Variants in CETP observed in about 807,000 individuals in gnomAD.
The protein encoded by CETP is BPI fold containing family F.
A neutral mutation model predicts 66.5 loss-of-function variants in CETP; 56 were observed. The observed-to-expected ratio is 0.84, with a 90% CI of 0.68 to 1.05. The LOEUF (loss-of-function observed/expected upper bound fraction) is 1.05. CETP is among the 50% of genes least tolerant of loss of function. CETP has a pLI of 0.00. For missense variants in CETP, 612 were observed against 609.6 expected, an observed-to-expected ratio of 1.00 and a Z score of -0.04; for synonymous variants, 251 against 245.7, an observed-to-expected ratio of 1.02 and a Z score of -0.20.
At chr16:56,980,378 C>T (rs1712001291) in intron 11 of CETP, among the ~76,000 whole-genome samples, 2 of 152,206 alleles carry the variant, frequency 1.3e-5, no homozygotes, top group South Asian at 4.1e-4. Flanking sequence ...TGCCACATTG[C>T]CCAAGCTGGT....
At chr16:56,976,525 G>A (rs1157516016) in intron 10 of CETP, among the ~76,000 whole-genome samples, 1 of 150,908 alleles carries the variant, frequency 6.6e-6, no homozygotes, top group African/African-American at 2.4e-5. Flanking sequence ...AGGCTGGAGT[G>A]CAGTAGCACA....
intron 2 of CETP, 119 bp from the exon 3 acceptor site, chr16:56,969,267 G>A (rs2056090127): frequency 2.3e-6 from 3 of 1,296,110 alleles, no homozygotes; most frequent in Non-Finnish European, 3.3e-6. Context: ...TGTGGATTAG[G>A]AGGACATTTT....
chr16:56,963,361 A>C, intron 2 of CETP, among the ~76,000 whole-genome samples: 1 of 152,180 alleles, frequency 6.6e-6, no homozygotes, highest in South Asian at 2.1e-4. Flanking sequence ...GTCAGGCTTC[A>C]AAGGGTCCTT....
At chr16:56,967,017 G>A (rs2056072082) in intron 2 of CETP, among the ~76,000 whole-genome samples, 1 of 152,056 alleles carries the variant, frequency 6.6e-6, no homozygotes, top group Non-Finnish European at 1.5e-5. Context: ...TGTATTAGGA[G>A]CTTACGCAGC....
Position 56,973,399 on chromosome 16 carries a change from GGACTCCCGCATGCTGTACTTCT to G in CETP, c.821_842del (p.Asp274GlyfsTer13). Reference sequence around the variant, plus strand: ...CCACCTTCTCGCCCACACTGCTGGGGGACTCCCGCATGCTGTACTTCTGGTTCTCTGAGCGAGTCTTCCACTC... The same window carrying G: ...CCACCTTCTCGCCCACACTGCTGGGGGGTTCTCTGAGCGAGTCTTCCACTC... On this transcript the variant is annotated frameshift_variant, in exon 9 of 16. Coordinates refer to ENST00000200676, the MANE Select transcript of CETP (RefSeq NM_000078.3). LOFTEE classifies it high-confidence loss of function. The G allele has an allele frequency of 2.5e-6, 4 of 1,614,184 alleles. No individual in the cohort carries two copies. The highest frequency in any genetic ancestry group is 3.4e-6 in the Non-Finnish European group (4 of 1,180,030).
At chr16:56,983,529 T>C in intron 15 of CETP, 63 bp from the exon 16 acceptor site, 1 of 1,600,146 alleles carries the variant, frequency 6.2e-7, no homozygotes, top group Non-Finnish European at 8.6e-7. Context: ...CCAGCTTGGC[T>C]CCCTCCTGGT....
intron 9 of CETP, 48 bp downstream of exon 9, chr16:56,973,558 ATGTG>A: frequency 6.3e-7 from 1 of 1,592,090 alleles, no homozygotes; most frequent in Non-Finnish European, 8.6e-7. Context: ...GGCATGTGGT[ATGTG>A]TGTGTGTGCA....
chr16:56,969,342 C>T, intron 2 of CETP, 44 bp from the exon 3 acceptor site: 1 of 1,612,470 alleles, frequency 6.2e-7, no homozygotes, highest in Admixed American at 1.7e-5. Flanking sequence ...CTTGGGCTCC[C>T]TGGATGACCC....
Position 56,962,097 on chromosome 16 carries a change from T to C in CETP, c.118T>C (p.Leu40=), listed in dbSNP as rs2056027530. The C allele has an allele frequency of 6.2e-7, 1 of 1,611,454 alleles. No homozygotes were observed. Among genetic ancestry groups the C allele is most frequent in the Non-Finnish European group, 8.5e-7 (1 of 1,177,904 alleles). The change falls in exon 1 of 16, where the codon TTG becomes CTG. Residue 40 remains leucine, a splice_region_variant and synonymous_variant. Coordinates refer to ENST00000200676, the MANE Select transcript of CETP (RefSeq NM_000078.3). The part of the protein sequence containing the change: ...CRITKPALLV[L]NHETAKVIQT... ...CATCACCAAGCCTGCCCTCCTGGTG[T>C]GTAAGTATCAGTGCATCTGTCTGCC...
intron 11 of CETP, among the ~76,000 whole-genome samples, chr16:56,980,862 C>T (rs1156414543): frequency 1.3e-5 from 2 of 152,180 alleles, no homozygotes; most frequent in Non-Finnish European, 2.9e-5. Flanking sequence ...GTGGAGGTTG[C>T]AGTGAGCTGA....
At position 56,963,288 on chromosome 16, in the gene CETP, A is replaced by T. The variant is rs577909767; in HGVS notation, c.233+164A>T. 7.2e-5 allele frequency among the ~76,000 whole-genome samples: 11 copies of T among 152,158 alleles called. No homozygotes were observed. In the South Asian group the frequency reaches 1.7e-3, roughly 23 times the overall value. ...GACACCTTCCCTACCCCCACCCTCC[A>T]TCCCCTGGTGCCCTGGGGGGATTTA... On this transcript the variant is annotated intron_variant, in intron 2 of 15. Transcript: ENST00000200676.
chr16:56,967,799 G>T (rs1267095228), intron 2 of CETP, among the ~76,000 whole-genome samples: 2 of 151,812 alleles, frequency 1.3e-5, no homozygotes, highest in Non-Finnish European at 2.9e-5. Flanking sequence ...CCCCCAATCT[G>T]CACAAAAAAG....
chr16:56,980,891 C>T, intron 11 of CETP, among the ~76,000 whole-genome samples: 1 of 152,154 alleles, frequency 6.6e-6, no homozygotes, highest in African/African-American at 2.4e-5. Context: ...CACTGCCCTC[C>T]AGCCTGGGCA....
In CETP at chr16:56,981,140, T is replaced by G. The variant is rs1270342188; in HGVS notation, c.1147-18T>G. 1.3e-6 allele frequency: 2 copies of G among 1,599,848 alleles called. No individual in the cohort carries two copies. Among genetic ancestry groups the G allele is most frequent in the Non-Finnish European group, 1.7e-6 (2 of 1,167,418 alleles). On this transcript the variant is annotated intron_variant, in intron 11 of 15. Transcript: ENST00000200676. ...GGGAAGAGCCCTGGCTCACAGCAAA[T>G]TTGGTTTCTCTCCCCAGGATATCGT...
At chr16:56,962,160 G>A in intron 1 of CETP, 63 bp downstream of exon 1, 3 of 1,409,632 alleles carry the variant, frequency 2.1e-6, no homozygotes, top group East Asian at 2.3e-5. Flanking sequence ...ACTATGCCAG[G>A]AGCCTCCCTG....
chr16:56,966,934 C>T (rs1488247122), intron 2 of CETP, among the ~76,000 whole-genome samples: 1 of 151,800 alleles, frequency 6.6e-6, no homozygotes, highest in Non-Finnish European at 1.5e-5. Context: ...TTTTCACTTA[C>T]TCTCTAATGT....
intron 13 of CETP, 124 bp downstream of exon 13, chr16:56,981,804 C>T: frequency 1.1e-6 from 1 of 931,974 alleles, no homozygotes; most frequent in East Asian, 2.4e-5. Context: ...CCAGGTGGTC[C>T]ATGCTGTGTC....
At chr16:56,982,947 C>T (rs565383125) in intron 14 of CETP, among the ~76,000 whole-genome samples, 83 of 152,298 alleles carry the variant, frequency 5.4e-4, no homozygotes, top group African/African-American at 1.9e-3. Context: ...TTAAATGGTT[C>T]CTACAACTAC....
At chr16:56,981,075 G>C (rs2056183479) in intron 11 of CETP, 83 bp from the exon 12 acceptor site, 3 of 1,008,926 alleles carry the variant, frequency 3.0e-6, no homozygotes, top group African/African-American at 3.2e-5. Flanking sequence ...TCAGTGGAAA[G>C]AATCAGGGGC....
Sources: allele counts gnomAD v4.1 joint callset (sites outside exome capture counted in the v4.1 genomes callset), GRCh38; gene constraint gnomAD v4.1.1; transcripts MANE v1.5; gene names NCBI Gene and HGNC (gene_info 2026-07-23, HGNC 2026-07-21).